Variants in DOCK3 observed in about 807,000 individuals in gnomAD.
DOCK3 encodes dedicator of cytokinesis 3.
Under a neutral mutation model 265.6 loss-of-function variants are expected in DOCK3, and 60 were observed. The observed-to-expected ratio is 0.23, with a 90% CI of 0.18 to 0.28. The LOEUF (loss-of-function observed/expected upper bound fraction) is 0.28. Ranked by LOEUF, DOCK3 falls within the 10% of genes least tolerant of loss-of-function variation. The pLI is 1.00. For missense variants in DOCK3, 1,981 were observed against 2,594.3 expected (o/e 0.76, Z 5.14); for synonymous variants, 881 against 938.0 (o/e 0.94, Z 1.11).
At chr3:50,968,780 C>A (rs1370873946) in intron 5 of DOCK3, among the ~76,000 whole-genome samples, 1 of 152,174 alleles carries the variant, frequency 6.6e-6, no homozygotes, top group African/African-American at 2.4e-5. Context: ...GATCTTTTGA[C>A]CTCAAGTGAT....
intron 5 of DOCK3, among the ~76,000 whole-genome samples, chr3:51,033,679 C>T (rs1224248444): frequency 3.9e-5 from 6 of 152,074 alleles, no homozygotes; most frequent in Middle Eastern, 3.2e-3. Context: ...ATTGAGATAT[C>T]GGTGGTGTTG....
At chr3:50,836,898 C>T (rs987149987) in intron 2 of DOCK3, among the ~76,000 whole-genome samples, 4 of 152,212 alleles carry the variant, frequency 2.6e-5, no homozygotes, top group Non-Finnish European at 4.4e-5. Context: ...TCACAGCTCT[C>T]TAGGGCAGGG....
chr3:50,927,172 C>T (rs1276845150), intron 4 of DOCK3, among the ~76,000 whole-genome samples: 1 of 152,150 alleles, frequency 6.6e-6, no homozygotes, highest in African/African-American at 2.4e-5. Context: ...TCCTTCAGGC[C>T]TTTTCTGAAA....
At chr3:50,793,342 TTTTC>T (rs1464862353) in intron 2 of DOCK3, among the ~76,000 whole-genome samples, 1 of 150,232 alleles carries the variant, frequency 6.7e-6, no homozygotes, top group Non-Finnish European at 1.5e-5. Flanking sequence ...GTTTTATTAA[TTTTC>T]TTTTTCTTTT....
intron 22 of DOCK3, among the ~76,000 whole-genome samples, chr3:51,253,543 C>T (rs928448363): frequency 6.6e-6 from 1 of 152,040 alleles, no homozygotes; most frequent in Non-Finnish European, 1.5e-5. Flanking sequence ...ATTTACAGAG[C>T]CTATTATTGG....
At chr3:51,380,575 A>G (rs550060285) in intron 52 of DOCK3, among the ~76,000 whole-genome samples, 1 of 152,364 alleles carries the variant, frequency 6.6e-6, no homozygotes, top group South Asian at 2.1e-4. Context: ...TCAAACTAGA[A>G]TTCAGTAAAA....
intron 9 of DOCK3, among the ~76,000 whole-genome samples, chr3:51,140,058 C>G (rs969214717): frequency 2.0e-5 from 3 of 152,084 alleles, no homozygotes; most frequent in African/African-American, 7.2e-5. Context: ...AAGAGTAAAC[C>G]ACGAAAAAGT....
At chr3:51,090,650 G>A (rs920812994) in intron 9 of DOCK3, among the ~76,000 whole-genome samples, 4 of 152,100 alleles carry the variant, frequency 2.6e-5, no homozygotes, top group Admixed American at 1.3e-4. Flanking sequence ...AGAGAGAAAA[G>A]GATGCATCTA....
intron 3 of DOCK3, among the ~76,000 whole-genome samples, chr3:50,855,293 A>T (rs765904535): frequency 1.3e-5 from 2 of 152,082 alleles, no homozygotes; most frequent in Non-Finnish European, 2.9e-5. Flanking sequence ...GTCATCTATG[A>T]TTACTTTCAT....
rs190347696 is a variant in DOCK3, at chr3:51,186,146, C to T, written c.1038-22628C>T. On this transcript the variant is annotated intron_variant, in intron 12 of 52. Transcript: ENST00000266037. ...CCTGTAGACTTGTTGAATGGCTGTG[C>T]TCAAAATGCTGATAGTGATATGGAC... 2.0e-5 allele frequency among the ~76,000 whole-genome samples: 3 copies of T among 152,262 alleles called. No homozygotes were observed. The East Asian group carries it at 5.8e-4, about 29-fold the overall frequency.
intron 2 of DOCK3, among the ~76,000 whole-genome samples, chr3:50,792,079 C>G (rs1473515039): frequency 6.7e-6 from 1 of 148,840 alleles, no homozygotes; most frequent in East Asian, 2.0e-4. Flanking sequence ...GGATTCTTCT[C>G]TGTTAGCATG....
chr3:51,242,096 T>C (rs529270225), intron 21 of DOCK3, among the ~76,000 whole-genome samples: 44 of 152,210 alleles, frequency 2.9e-4, no homozygotes, highest in African/African-American at 8.2e-4. Flanking sequence ...GTTTTTTTTT[T>C]CCCTTTTATC....
At chr3:50,684,350 T>G (rs569307250) in intron 1 of DOCK3, among the ~76,000 whole-genome samples, 2 of 152,374 alleles carry the variant, frequency 1.3e-5, no homozygotes, top group South Asian at 2.1e-4. Context: ...AATGCTTAAT[T>G]AAGATTCCAA....
chr3:50,813,490 G>T (rs1308161673), intron 2 of DOCK3, among the ~76,000 whole-genome samples: 1 of 152,024 alleles, frequency 6.6e-6, no homozygotes, highest in Non-Finnish European at 1.5e-5. Flanking sequence ...GATCATCACT[G>T]CCTCCAGCCT....
chr3:51,338,919 C>G lies in DOCK3; in HGVS notation c.3673-16C>G. ...TCCACAGGTAGTTGACAGGTGTTTCCTTCTCTTTATTGTAGAATTTTTACA... is the reference window on the plus strand; with the variant it reads ...TCCACAGGTAGTTGACAGGTGTTTCGTTCTCTTTATTGTAGAATTTTTACA... On this transcript the variant is annotated splice_polypyrimidine_tract_variant and intron_variant, in intron 36 of 52. Coordinates refer to ENST00000266037, the MANE Select transcript of DOCK3 (RefSeq NM_004947.5). 6.3e-7 allele frequency: 1 copy of G among 1,582,880 alleles called. No individual in the cohort carries two copies. The highest frequency in any genetic ancestry group is 8.6e-7 in the Non-Finnish European group (1 of 1,162,586).
In DOCK3 at chr3:51,361,953, G is replaced by T; in HGVS notation, c.5101G>T (p.Gly1701Cys). The part of the protein sequence containing the change: ...EAGNMVMLGD[G>C]SMGDAPEDLY... ...AGGAAACATGGTGATGCTGGGTGAC[G>T]GCTCCATGGGTGATGCTCCTGAGGA... Residue 1701 changes from glycine (G) to cysteine (C), a missense_variant, in exon 48 of 53, where the codon GGC (glycine) becomes TGC (cysteine). Gly to Cys is a radical substitution (Grantham distance 159). This residue lies in a region of DOCK3 where 1,357 missense variants were observed against 1,866.8 expected (regional missense o/e 0.73). Transcript: ENST00000266037. This position sits in a 1 kb window ranked among gnomAD's most constrained non-coding sequence, Gnocchi z 4.2. 6.2e-7 allele frequency: 1 copy of T among 1,611,492 alleles called. No individual in the cohort carries two copies. Among genetic ancestry groups the T allele is most frequent in the Non-Finnish European group, 8.5e-7 (1 of 1,178,890 alleles).
At chr3:51,261,285 C>T (rs999129535) in intron 23 of DOCK3, among the ~76,000 whole-genome samples, 9 of 151,898 alleles carry the variant, frequency 5.9e-5, no homozygotes, top group Non-Finnish European at 1.0e-4. Context: ...GAGGGTGGGG[C>T]GTCGCCTCAC....
intron 3 of DOCK3, among the ~76,000 whole-genome samples, chr3:50,855,306 G>C (rs970922398): frequency 1.2e-4 from 18 of 152,076 alleles, no homozygotes; most frequent in African/African-American, 4.1e-4. Flanking sequence ...ACTTTCATTA[G>C]TGTTTTGTAG....
intron 2 of DOCK3, among the ~76,000 whole-genome samples, chr3:50,806,435 G>C (rs1415922966): frequency 2.0e-5 from 3 of 151,738 alleles, no homozygotes; most frequent in Non-Finnish European, 4.4e-5. Context: ...TCTGTGTTGG[G>C]TGGGAATGCT....
Sources: gnomAD v4.1 joint callset for allele counts (sites outside exome capture counted in the v4.1 genomes callset) on GRCh38, gnomAD v4.1.1 for gene constraint, gnomAD v4.1.1 regional missense constraint, Gnocchi (gnomAD v3.1) non-coding constraint, MANE v1.5 for transcripts, NCBI Gene and HGNC (gene_info 2026-07-23, HGNC 2026-07-21) for gene names.